Variants in COL15A1 observed in about 807,000 individuals in gnomAD.
COL15A1 encodes collagen alpha-1(XV) chain.
In COL15A1, 111 loss-of-function variants were observed where a neutral mutation model predicts 165.9. The ratio of observed to expected loss-of-function variants is 0.67; its 90% confidence interval spans 0.57 to 0.78. COL15A1 has a LOEUF of 0.78. COL15A1 is among the 30% of genes least tolerant of loss of function. The pLI, the probability that COL15A1 is intolerant of heterozygous loss-of-function variation, is 0.00. For synonymous variants in COL15A1, 659 were observed against 674.8 expected, an observed-to-expected ratio of 0.98 and a Z score of 0.36; for missense variants, 1,745 against 1,789.7, an observed-to-expected ratio of 0.98 and a Z score of 0.45.
intron 5 of COL15A1, among the ~76,000 whole-genome samples, chr9:98,994,105 T>A (rs1019352030): frequency 8.2e-6 from 1 of 122,530 alleles, no homozygotes; most frequent in Non-Finnish European, 1.6e-5. Flanking sequence ...TGTGTGTAAG[T>A]GTGTGTTGGG....
chr9:98,957,221 C>T (rs535747856), intron 2 of COL15A1, among the ~76,000 whole-genome samples: 1 of 152,296 alleles, frequency 6.6e-6, no homozygotes, highest in South Asian at 2.1e-4. Context: ...TGTGAGAGGA[C>T]TTGAGCATCC....
At chr9:99,027,838 TGC>T (rs1839152148) in intron 16 of COL15A1, among the ~76,000 whole-genome samples, 1 of 152,234 alleles carries the variant, frequency 6.6e-6, no homozygotes, top group Non-Finnish European at 1.5e-5. Flanking sequence ...CAGGAAACTT[TGC>T]ACATGATATT....
At chr9:99,001,693 C>T (rs976996459) in intron 7 of COL15A1, among the ~76,000 whole-genome samples, 8 of 152,188 alleles carry the variant, frequency 5.3e-5, no homozygotes, top group African/African-American at 1.9e-4. Context: ...TCTCTCTCCT[C>T]CTTATCCTCA....
At chr9:98,988,380 A>C (rs1015471928) in intron 4 of COL15A1, among the ~76,000 whole-genome samples, 1 of 152,120 alleles carries the variant, frequency 6.6e-6, no homozygotes, top group African/African-American at 2.4e-5. Flanking sequence ...AGGGTCCAAG[A>C]ACAAGGGATT....
chr9:99,059,426 G>A (rs1035167293), intron 35 of COL15A1, among the ~76,000 whole-genome samples: 2 of 152,188 alleles, frequency 1.3e-5, no homozygotes, highest in African/African-American at 2.4e-5. Context: ...TGGCCCCAAG[G>A]CCAGGGCTAC....
chr9:98,956,740 C>T (rs1399412937), intron 2 of COL15A1, among the ~76,000 whole-genome samples: 2 of 152,204 alleles, frequency 1.3e-5, no homozygotes, highest in Non-Finnish European at 1.5e-5. Flanking sequence ...CATCTTGCTA[C>T]GTGTGGTCCA....
At chr9:99,065,970 G>A (rs1588541815) in intron 39 of COL15A1, among the ~76,000 whole-genome samples, 1 of 151,848 alleles carries the variant, frequency 6.6e-6, no homozygotes, top group African/African-American at 2.4e-5. Flanking sequence ...AGAAACACTG[G>A]CCGCCTCCTG....
chr9:99,038,604 T>C, intron 21 of COL15A1, 64 bp from the exon 22 acceptor site: 1 of 1,024,496 alleles, frequency 9.8e-7, no homozygotes, highest in Non-Finnish European at 1.5e-6. Context: ...AAAGCTTTGC[T>C]GCCAGGAACA....
chr9:99,025,061 G>A (rs1431472128), intron 15 of COL15A1, 62 bp downstream of exon 15: 1 of 1,523,656 alleles, frequency 6.6e-7, no homozygotes, highest in South Asian at 1.2e-5. Flanking sequence ...GCAGGGGAGG[G>A]GTGTACAGAT....
intron 21 of COL15A1, 148 bp from the exon 22 acceptor site, chr9:99,038,520 A>T (rs1288547644): frequency 1.8e-6 from 1 of 568,544 alleles, no homozygotes; most frequent in East Asian, 2.7e-5. Flanking sequence ...AGGGGGAGGG[A>T]GAGCTGTGTT....
At position 99,034,585 on chromosome 9, in the gene COL15A1, G is replaced by GT. The variant is rs770530017; in HGVS notation, c.2079+2dup. 2.3e-5 allele frequency: 11 copies of GT among 471,150 alleles called. No homozygotes were observed. In the East Asian group the frequency reaches 6.0e-4, roughly 26 times the overall value. The allele number at this position is 471,150 out of a possible 1,614,324, so 29.2% of individuals were successfully genotyped here. ...GCCTAATGGCTCAGTTGGTGAAAAG[G>GT]TAAAAAAAAAAAAAAAAAAAAAAAA... On this transcript the variant is annotated splice_donor_variant, in intron 17 of 41. Transcript: ENST00000375001. LOFTEE classifies it high-confidence loss of function.
Position 98,985,547 on chromosome 9 carries a change from C to A in COL15A1, c.101-18C>A, listed in dbSNP as rs199509430. 7 of 1,599,156 alleles carry A rather than the reference C, an allele frequency of 4.4e-6. No individual in the cohort carries two copies. In the East Asian group the frequency reaches 1.6e-4, roughly 36 times the overall value. On this transcript the variant is annotated intron_variant, in intron 2 of 41. Coordinates refer to ENST00000375001, the MANE Select transcript of COL15A1 (RefSeq NM_001855.5). ...GGAATATACCTGTAAAGCGTGGCCT[C>A]TCTCTCCCTCCCTGCAGAGACTGCT...
intron 16 of COL15A1, among the ~76,000 whole-genome samples, chr9:99,032,380 G>A (rs1839224131): frequency 6.6e-6 from 1 of 151,942 alleles, no homozygotes; most frequent in Non-Finnish European, 1.5e-5. Context: ...AGTAGAGACG[G>A]GGTTTCACCA....
intron 2 of COL15A1, among the ~76,000 whole-genome samples, chr9:98,961,447 G>A (rs1385032626): frequency 6.6e-6 from 1 of 152,190 alleles, no homozygotes; most frequent in East Asian, 1.9e-4. Context: ...AGATCTGAGG[G>A]GTGAACAGAT....
chr9:99,041,318 T>C (rs1035822448), intron 23 of COL15A1: 6 of 152,246 alleles, frequency 3.9e-5, no homozygotes, highest in African/African-American at 1.4e-4. Flanking sequence ...ATTCACTCTT[T>C]CATCCAGACA....
At chr9:98,997,573 A>C (rs1838570314) in intron 6 of COL15A1, among the ~76,000 whole-genome samples, 1 of 152,202 alleles carries the variant, frequency 6.6e-6, no homozygotes, top group South Asian at 2.1e-4. Context: ...GACTTTTGCC[A>C]CAAACTCCCC....
At chr9:99,022,297 C>A (rs913228928) in intron 13 of COL15A1, 147 bp downstream of exon 13, 11 of 874,112 alleles carry the variant, frequency 1.3e-5, no homozygotes, top group Admixed American at 2.4e-5. Context: ...TAGGACTCTG[C>A]AGTGTGCAGC....
intron 4 of COL15A1, 99 bp from the exon 5 acceptor site, chr9:98,989,079 G>A: frequency 2.5e-6 from 2 of 794,278 alleles, no homozygotes; most frequent in Non-Finnish European, 4.3e-6. Context: ...TTCCCTGTAG[G>A]AGAGTCGGTT....
intron 16 of COL15A1, among the ~76,000 whole-genome samples, chr9:99,033,764 C>T (rs145864230): frequency 1.3e-5 from 2 of 152,288 alleles, no homozygotes; most frequent in African/African-American, 4.8e-5. Flanking sequence ...CTCTCAGGAC[C>T]TCCTGTGTGG....
Sources: allele counts gnomAD v4.1 joint callset (sites outside exome capture counted in the v4.1 genomes callset), GRCh38; gene constraint gnomAD v4.1.1; transcripts MANE v1.5; gene names NCBI Gene and HGNC (gene_info 2026-07-23, HGNC 2026-07-21).